Variants in TRANK1 observed in about 807,000 individuals in gnomAD.
The protein encoded by TRANK1 is TPR and ankyrin repeat-containing protein 1.
Under a neutral mutation model 266.0 loss-of-function variants are expected in TRANK1, and 198 were observed. That is an observed-to-expected ratio of 0.74 (90% CI 0.66 to 0.84). The LOEUF is 0.84. Among genes scored for constraint, TRANK1 ranks in the 40% least tolerant of loss-of-function variants. TRANK1 has a pLI of 0.00. For missense variants in TRANK1, 3,326 were observed against 3,634.6 expected, an observed-to-expected ratio of 0.92 and a Z score of 2.18; for synonymous variants, 1,396 against 1,384.1, an observed-to-expected ratio of 1.01 and a Z score of -0.19.
intron 8 of TRANK1, among the ~76,000 whole-genome samples, chr3:36,874,870 A>C (rs2125575885): frequency 6.6e-6 from 1 of 152,240 alleles, no homozygotes; most frequent in Admixed American, 6.5e-5. Context: ...GGAATGAAAC[A>C]GGTATATCCC....
At chr3:36,904,804 G>A (rs1392819832) in intron 2 of TRANK1, among the ~76,000 whole-genome samples, 1 of 152,066 alleles carries the variant, frequency 6.6e-6, no homozygotes, top group African/African-American at 2.4e-5. Flanking sequence ...GAGATGCCAT[G>A]GTGTCCATCC....
chr3:36,839,661 G>A (rs1278773187), intron 18 of TRANK1, among the ~76,000 whole-genome samples: 1 of 152,212 alleles, frequency 6.6e-6, no homozygotes, highest in Non-Finnish European at 1.5e-5. Flanking sequence ...TCAAAGAAGG[G>A]TTCCCACGCC....
chr3:36,944,970 G>T lies in TRANK1; in HGVS notation c.-161C>A. 1 of 639,174 alleles carries T rather than the reference G, an allele frequency of 1.6e-6. No homozygotes were observed. The highest frequency in any genetic ancestry group is 2.4e-6 in the Non-Finnish European group (1 of 419,068). The allele number at this position is 639,174 out of a possible 1,614,324, so 39.6% of individuals were successfully genotyped here. A position where few individuals can be genotyped will look rare whatever the true frequency, so the allele number is the denominator to read the frequency against. On this transcript the variant is annotated 5_prime_UTR_variant, in exon 1 of 24. Coordinates refer to ENST00000645898, the MANE Select transcript of TRANK1 (RefSeq NM_001329998.2). ...CGTTCGGGGGCCCCCAGCTGCCTGCGGCTCGGCTACCCAGCCGCGATCAGA... is the reference window on the plus strand; with the variant it reads ...CGTTCGGGGGCCCCCAGCTGCCTGCTGCTCGGCTACCCAGCCGCGATCAGA...
intron 12 of TRANK1, among the ~76,000 whole-genome samples, 197 bp from the exon 13 acceptor site, chr3:36,858,246 A>G (rs192991606): frequency 6.6e-6 from 1 of 152,318 alleles, no homozygotes; most frequent in African/African-American, 2.4e-5. Flanking sequence ...GGCAATGTAT[A>G]GAGACATTTT....
intron 1 of TRANK1, among the ~76,000 whole-genome samples, chr3:36,937,155 A>G (rs1318038766): frequency 1.3e-5 from 2 of 152,182 alleles, no homozygotes; most frequent in Non-Finnish European, 2.9e-5. Flanking sequence ...CTGGGTCTGA[A>G]ATGGAGTCTC....
chr3:36,861,626 C>A (rs2079143419), intron 10 of TRANK1, among the ~76,000 whole-genome samples: 1 of 151,920 alleles, frequency 6.6e-6, no homozygotes, highest in Non-Finnish European at 1.5e-5. Context: ...ATAAATGTTT[C>A]CATCTGATCT....
intron 17 of TRANK1, among the ~76,000 whole-genome samples, chr3:36,844,519 G>A (rs576252507): frequency 6.2e-4 from 94 of 152,284 alleles, no homozygotes; most frequent in African/African-American, 2.1e-3. Flanking sequence ...GAGCCACCAC[G>A]CCCAGCCATA....
At chr3:36,885,872 T>C (rs6794134) in intron 8 of TRANK1, among the ~76,000 whole-genome samples, 50,125 of 152,028 alleles carry the variant, frequency 0.33, 9,273 homozygotes, top group East Asian at 0.57. Context: ...TAACTTTATG[T>C]GGAGGCTGGG....
Position 36,856,377 on chromosome 3 carries a change from C to T in TRANK1, c.3345G>A (p.Leu1115=). ...CGGGTTCCACTTCCAACCTTCTCTT[C>T]AGCCAGACCTGTTTGGCCAGCAATG... ...GSPLLAKQVW[L]KRRLEVEPGK... Residue 1115 remains leucine, a synonymous_variant, in exon 13 of 24, where the codon CTG becomes CTA. Transcript: ENST00000645898. 1 of 1,592,472 alleles carries T rather than the reference C, an allele frequency of 6.3e-7. No individual in the cohort carries two copies. The highest frequency in any genetic ancestry group is 8.6e-7 in the Non-Finnish European group (1 of 1,169,244).
Position 36,838,610 on chromosome 3 carries a change from T to C in TRANK1, c.5384+3A>G, listed in dbSNP as rs2078801874. The C allele has an allele frequency of 6.2e-7, 1 of 1,613,972 alleles. No homozygotes were observed. Among genetic ancestry groups the C allele is most frequent in the Non-Finnish European group, 8.5e-7 (1 of 1,179,848 alleles). ...AAACCAGAAGTGATCCCAAGACTCT[T>C]ACTTGGGGCTGACTTTCTTGGATTT... On this transcript the variant is annotated splice_donor_region_variant and intron_variant, in intron 19 of 23. Transcript: ENST00000645898.
intron 18 of TRANK1, among the ~76,000 whole-genome samples, chr3:36,841,661 A>AT (rs748804669): frequency 2.0e-5 from 3 of 152,138 alleles, no homozygotes; most frequent in Non-Finnish European, 4.4e-5. Flanking sequence ...GGACTTCATG[A>AT]TAAAAAAAAT....
chr3:36,883,250 G>A (rs1229527286), intron 8 of TRANK1, among the ~76,000 whole-genome samples: 4 of 151,892 alleles, frequency 2.6e-5, no homozygotes, highest in Non-Finnish European at 5.9e-5. Context: ...AGACCAACCT[G>A]GAAAACATGG....
Position 36,856,813 on chromosome 3 carries a change from A to G in TRANK1, c.2909T>C (p.Leu970Pro). The change falls in exon 13 of 24, where the codon CTG (leucine) becomes CCG (proline). Residue 970 changes from leucine (L) to proline (P), a missense_variant. Physicochemically the swap from Leu to Pro is moderately conservative, Grantham distance 98. Coordinates refer to ENST00000645898, the MANE Select transcript of TRANK1 (RefSeq NM_001329998.2). ...ATTGATACCTTTCAGCTTCTTCCGC[A>G]GGACACAGGACAAGCCCCGGTTGTA... The part of the protein sequence containing the change: ...NAYNRGLSCV[L>P]RKKLKGINKG... 1 of 1,614,020 alleles carries G rather than the reference A, an allele frequency of 6.2e-7. No homozygotes were observed. The highest frequency in any genetic ancestry group is 8.5e-7 in the Non-Finnish European group (1 of 1,179,894).
In TRANK1 at chr3:36,943,058, C is replaced by T. The variant is rs948671470; in HGVS notation, c.23+1729G>A. Among the ~76,000 whole-genome samples, 12 of 152,022 alleles carry T rather than the reference C, an allele frequency of 7.9e-5. 1 individual carries two copies. Among genetic ancestry groups the T allele is most frequent in the Middle Eastern group, 6.8e-3 (2 of 294 alleles). On this transcript the variant is annotated intron_variant, in intron 1 of 23. Coordinates refer to ENST00000645898, the MANE Select transcript of TRANK1 (RefSeq NM_001329998.2). ...TAGTCAGGCTTGGTGGCGCCCCACC[C>T]CCGGCCCCCCGTAATCCCAGCTATT...
Position 36,876,277 on chromosome 3 carries a change from G to T in TRANK1, c.908-1981C>A, listed in dbSNP as rs909389592. 2.6e-5 allele frequency among the ~76,000 whole-genome samples: 4 copies of T among 152,220 alleles called. No individual in the cohort carries two copies. In the South Asian group the frequency reaches 6.2e-4, roughly 24 times the overall value. ...TCTCTACCATTTCACCAACGCCCAG[G>T]TCCAGGGGCTAACACTTAACCAGGA... On this transcript the variant is annotated intron_variant, in intron 8 of 23. Coordinates refer to ENST00000645898, the MANE Select transcript of TRANK1 (RefSeq NM_001329998.2).
At chr3:36,861,185 A>T in intron 10 of TRANK1, 25 bp from the exon 11 acceptor site, 1 of 1,527,482 alleles carries the variant, frequency 6.5e-7, no homozygotes, top group Non-Finnish European at 8.8e-7. Flanking sequence ...AGTAAGACAC[A>T]TTCCAAAAAT....
At chr3:36,909,795 C>T (rs2080025732) in intron 1 of TRANK1, among the ~76,000 whole-genome samples, 1 of 152,186 alleles carries the variant, frequency 6.6e-6, no homozygotes, top group South Asian at 2.1e-4. Context: ...AGAGCTTTAA[C>T]AGAATGAGAC....
At position 36,832,627 on chromosome 3, in the gene TRANK1, C is replaced by T; in HGVS notation, c.6956G>A (p.Ser2319Asn). The change falls in exon 22 of 24, where the codon AGC (serine) becomes AAC (asparagine). Residue 2319 changes from serine (S) to asparagine (N), a missense_variant. Coordinates refer to ENST00000645898, the MANE Select transcript of TRANK1 (RefSeq NM_001329998.2). The part of the protein sequence containing the change: ...EYIHFLFENE[S>N]ARNRRESTDL... ...TGTGGATTCCCGGCGGTTGCGTGCG[C>T]TTTCATTTTCAAACAGAAAGTGGAT... 1 of 1,613,920 alleles carries T rather than the reference C, an allele frequency of 6.2e-7. No individual in the cohort carries two copies.
intron 9 of TRANK1, among the ~76,000 whole-genome samples, chr3:36,873,350 T>C (rs2079337394): frequency 1.3e-5 from 2 of 152,200 alleles, no homozygotes; most frequent in African/African-American, 2.4e-5. Context: ...ACAGTAGCCA[T>C]AGGAGTCATG....
Sources: gnomAD v4.1 joint callset for allele counts (sites outside exome capture counted in the v4.1 genomes callset) on GRCh38, gnomAD v4.1.1 for gene constraint, MANE v1.5 for transcripts, NCBI Gene and HGNC (gene_info 2026-07-23, HGNC 2026-07-21) for gene names.